Variants in CTNND2 observed in about 807,000 individuals in gnomAD.
CTNND2 encodes catenin delta 2.
A neutral mutation model predicts 144.4 loss-of-function variants in CTNND2; 22 were observed. The ratio of observed to expected loss-of-function variants is 0.15; its 90% CI spans 0.11 to 0.22. The LOEUF is 0.22. Among genes scored for constraint, CTNND2 ranks in the 10% least tolerant of loss-of-function variants. CTNND2 has a pLI of 1.00. For synonymous variants in CTNND2, 751 were observed against 695.6 expected (o/e 1.08, Z -1.25); for missense variants, 1,353 against 1,618.8 (o/e 0.84, Z 2.82).
intron 1 of CTNND2, among the ~76,000 whole-genome samples, chr5:11,872,231 G>A (rs745723055): frequency 3.3e-5 from 5 of 152,122 alleles, no homozygotes; most frequent in Non-Finnish European, 7.4e-5. Flanking sequence ...TTTTATGGCT[G>A]TATAGTATTC....
At position 11,186,556 on chromosome 5, in the gene CTNND2, C is replaced by T. The variant is rs10042264; in HGVS notation, c.1975+12892G>A. On this transcript the variant is annotated intron_variant, in intron 11 of 21. Coordinates refer to ENST00000304623, the MANE Select transcript of CTNND2 (RefSeq NM_001332.4). ...CATTGGATAGTGTAGTTACCATTAG[C>T]GTCAAATTATTTTGGCGTCTCTCAA... is the stretch of plus-strand genomic sequence containing the variant. Among the ~76,000 whole-genome samples the T allele has an allele frequency of 1.9e-3, 296 of 152,254 alleles. 1 individual carries two copies. The highest frequency in any genetic ancestry group is 6.7e-3 in the African/African-American group (280 of 41,538).
At chr5:11,747,992 A>C (rs1788404801) in intron 1 of CTNND2, among the ~76,000 whole-genome samples, 1 of 152,166 alleles carries the variant, frequency 6.6e-6, no homozygotes, top group Admixed American at 6.6e-5. Context: ...ATTGCTATCA[A>C]TGGGCAGTCA....
chr5:11,159,763 C>G lies in CTNND2; in HGVS notation c.1976-4G>C, dbSNP rs985121931. On this transcript the variant is annotated splice_region_variant and splice_polypyrimidine_tract_variant and intron_variant, in intron 11 of 21. Transcript: ENST00000304623. ...GAGGAGAGGTTCCAAAGGACTCCTG[C>G]AAGAGACACACAAAAAGAGGTTTTG... 2 of 1,564,316 alleles carry G rather than the reference C, an allele frequency of 1.3e-6. No homozygotes were observed. The highest frequency in any genetic ancestry group is 1.4e-5 in the African/African-American group (1 of 73,230).
intron 11 of CTNND2, among the ~76,000 whole-genome samples, chr5:11,174,982 T>C (rs1011223993): frequency 6.6e-6 from 1 of 152,230 alleles, no homozygotes. Context: ...ACACAGGTAA[T>C]GCATTTATCT....
At chr5:11,369,907 G>A (rs936019302) in intron 7 of CTNND2, among the ~76,000 whole-genome samples, 19 of 152,172 alleles carry the variant, frequency 1.2e-4, no homozygotes, top group Admixed American at 5.2e-4. Context: ...CAGCAGACAC[G>A]AAGGGTCCCT....
At chr5:11,485,124 T>G (rs890567926) in intron 3 of CTNND2, among the ~76,000 whole-genome samples, 1 of 152,142 alleles carries the variant, frequency 6.6e-6, no homozygotes, top group Non-Finnish European at 1.5e-5. Flanking sequence ...TACAACATCA[T>G]TGGGGGAAAA....
intron 5 of CTNND2, among the ~76,000 whole-genome samples, chr5:11,410,660 G>A (rs61749772): frequency 2.5e-3 from 382 of 152,162 alleles, no homozygotes; most frequent in Admixed American, 5.8e-3. Flanking sequence ...TCATTAAATG[G>A]AGAGAAAGTG....
At chr5:11,545,783 G>A (rs1164449721) in intron 3 of CTNND2, among the ~76,000 whole-genome samples, 1 of 151,724 alleles carries the variant, frequency 6.6e-6, no homozygotes, top group Non-Finnish European at 1.5e-5. Flanking sequence ...AAACATGTGT[G>A]TCCACATATA....
chr5:11,673,572 T>C (rs1784018531), intron 2 of CTNND2, among the ~76,000 whole-genome samples: 1 of 152,218 alleles, frequency 6.6e-6, no homozygotes, highest in Non-Finnish European at 1.5e-5. Flanking sequence ...TTCAGTCTAA[T>C]CTTTTTCTCA....
At chr5:11,821,758 C>G (rs61761583) in intron 1 of CTNND2, among the ~76,000 whole-genome samples, 1 of 152,068 alleles carries the variant, frequency 6.6e-6, no homozygotes, top group Non-Finnish European at 1.5e-5. Context: ...GATTTAAATT[C>G]GCTTTGTTTT....
At chr5:11,801,383 A>C (rs567426813) in intron 1 of CTNND2, among the ~76,000 whole-genome samples, 1 of 152,302 alleles carries the variant, frequency 6.6e-6, no homozygotes, top group East Asian at 1.9e-4. Flanking sequence ...TTTAACTCTC[A>C]CATCTGTTTT....
chr5:11,883,463 A>C (rs1277392453), intron 1 of CTNND2, among the ~76,000 whole-genome samples: 1 of 152,186 alleles, frequency 6.6e-6, no homozygotes, highest in Non-Finnish European at 1.5e-5. Context: ...CAGTTTGCTG[A>C]GAATGATGGT....
intron 2 of CTNND2, among the ~76,000 whole-genome samples, chr5:11,673,159 T>C (rs1286125235): frequency 6.6e-6 from 1 of 152,200 alleles, no homozygotes; most frequent in Non-Finnish European, 1.5e-5. Flanking sequence ...AGGGCCTCTA[T>C]TCTGAGAACA....
chr5:11,082,683 A>G lies in CTNND2; in HGVS notation c.2788+13T>C. On this transcript the variant is annotated intron_variant, in intron 16 of 21. Coordinates refer to ENST00000304623, the MANE Select transcript of CTNND2 (RefSeq NM_001332.4). ...CTTAACACTTGAGACACTGTGAATCAGGGAGAACATACCGATGAGCTCCTT... is the reference window on the plus strand; with the variant it reads ...CTTAACACTTGAGACACTGTGAATCGGGGAGAACATACCGATGAGCTCCTT... The G allele has an allele frequency of 1.2e-6, 2 of 1,613,070 alleles. No homozygotes were observed. Among genetic ancestry groups the G allele is most frequent in the Non-Finnish European group, 1.7e-6 (2 of 1,179,334 alleles).
intron 16 of CTNND2, among the ~76,000 whole-genome samples, chr5:11,053,994 G>A (rs529705279): frequency 1.2e-4 from 18 of 152,294 alleles, no homozygotes; most frequent in African/African-American, 3.8e-4. Flanking sequence ...ACAATAAAAC[G>A]AAAATAAAAA....
At chr5:11,418,407 A>AAAAAC (rs1216776635) in intron 3 of CTNND2, among the ~76,000 whole-genome samples, 7 of 152,180 alleles carry the variant, frequency 4.6e-5, no homozygotes, top group African/African-American at 7.2e-5. Flanking sequence ...ACTCCGTCTC[A>AAAAAC]AAAACAAAAC....
intron 11 of CTNND2, among the ~76,000 whole-genome samples, chr5:11,166,961 A>G (rs1171663934): frequency 3.3e-5 from 5 of 152,358 alleles, no homozygotes; most frequent in South Asian, 4.1e-4. Flanking sequence ...TGTTGCTGTA[A>G]TAACAGCTCC....
chr5:11,824,397 G>A (rs890342831), intron 1 of CTNND2, among the ~76,000 whole-genome samples: 7 of 152,194 alleles, frequency 4.6e-5, no homozygotes, highest in African/African-American at 1.2e-4. Context: ...CCTGATGCAG[G>A]AGACAGCAGT....
intron 3 of CTNND2, among the ~76,000 whole-genome samples, chr5:11,479,180 GT>G (rs1475339740): frequency 1.3e-5 from 2 of 152,054 alleles, no homozygotes; most frequent in Non-Finnish European, 2.9e-5. Context: ...CCTACTGTCT[GT>G]TTTTTCCCCT....
Sources: gnomAD v4.1 joint callset for allele counts (sites outside exome capture counted in the v4.1 genomes callset) on GRCh38, gnomAD v4.1.1 for gene constraint, MANE v1.5 for transcripts, NCBI Gene and HGNC (gene_info 2026-07-23, HGNC 2026-07-21) for gene names.